The following IL1RL1 variants were observed in gnomAD, a reference collection of about 807,000 sequenced individuals.
The protein encoded by IL1RL1 is interleukin-1 receptor-like 1.
Under a neutral mutation model 50.9 loss-of-function variants are expected in IL1RL1, and 32 were observed. The observed-to-expected ratio is 0.63, with a 90% CI of 0.47 to 0.84. The LOEUF (loss-of-function observed/expected upper bound fraction) is 0.84. IL1RL1 is among the 40% of genes least tolerant of loss of function. The probability of loss-of-function intolerance (pLI) is 0.00; values close to 1 mark genes in which losing one functional copy is unlikely to be tolerated. For synonymous variants in IL1RL1, 275 were observed against 236.0 expected (o/e 1.17, Z -1.51); for missense variants, 773 against 662.9 (o/e 1.17, Z -1.82).
chr2:102,340,472 G>A lies in IL1RL1; in HGVS notation c.448-194G>A, dbSNP rs191359875. ...TACTAAAAATATAAAAATCAGCTGG[G>A]TGTGGTGGCACACACCTGTAATCCC... is the stretch of plus-strand genomic sequence containing the variant. On this transcript the variant is annotated intron_variant, in intron 4 of 10. Coordinates refer to ENST00000233954, the MANE Select transcript of IL1RL1 (RefSeq NM_016232.5). 3.1e-3 allele frequency among the ~76,000 whole-genome samples: 477 copies of A among 152,240 alleles called. 2 individuals are homozygous for A. The highest frequency in any genetic ancestry group is 5.2e-3 in the Non-Finnish European group (351 of 68,016).
intron 5 of IL1RL1, 58 bp downstream of exon 5, chr2:102,340,886 A>G (rs1677533602): frequency 4.3e-6 from 6 of 1,381,448 alleles, no homozygotes; most frequent in African/African-American, 1.5e-5. Flanking sequence ...AAGTGGGAAC[A>G]GCGGTGCCCT....
chr2:102,328,653 T>TA (rs1372231344), intron 1 of IL1RL1, among the ~76,000 whole-genome samples: 2 of 152,098 alleles, frequency 1.3e-5, no homozygotes, highest in African/African-American at 2.4e-5. Context: ...AGTCTCAGGA[T>TA]AAAAAATCAA....
chr2:102,328,933 A>G (rs574188475), intron 1 of IL1RL1, among the ~76,000 whole-genome samples: 1 of 152,306 alleles, frequency 6.6e-6, no homozygotes, highest in East Asian at 1.9e-4. Flanking sequence ...TTATAGATTC[A>G]ATGCCATCCC....
chr2:102,341,227 T>A, intron 5 of IL1RL1: 1 of 1,193,670 alleles, frequency 8.4e-7, no homozygotes, highest in Non-Finnish European at 1.1e-6. Flanking sequence ...AAGAGCTTAA[T>A]CTTTAGTAAT....
At chr2:102,351,219 A>G (rs111402769) in intron 10 of IL1RL1, among the ~76,000 whole-genome samples, 1,876 of 152,328 alleles carry the variant, frequency 0.012, 49 homozygotes, top group African/African-American at 0.043. Context: ...AGAATGAACC[A>G]GAATTCTAAG....
intron 10 of IL1RL1, among the ~76,000 whole-genome samples, chr2:102,349,871 T>C (rs895467984): frequency 6.6e-6 from 1 of 152,194 alleles, no homozygotes; most frequent in Non-Finnish European, 1.5e-5. Context: ...TTGTGAACTC[T>C]TCTCTAATTT....
chr2:102,322,883 AT>A (rs1676875244), intron 1 of IL1RL1, among the ~76,000 whole-genome samples: 1 of 152,138 alleles, frequency 6.6e-6, no homozygotes, highest in South Asian at 2.1e-4. Flanking sequence ...TCCTATAGGT[AT>A]GATATGTAAT....
intron 8 of IL1RL1, among the ~76,000 whole-genome samples, chr2:102,347,081 A>G (rs1455916402): frequency 2.0e-5 from 3 of 152,200 alleles, no homozygotes; most frequent in Admixed American, 6.5e-5. Flanking sequence ...TCTTTATCAA[A>G]GACGCTTTAG....
chr2:102,313,624 C>T (rs1289602480), intron 1 of IL1RL1, among the ~76,000 whole-genome samples: 1 of 152,140 alleles, frequency 6.6e-6, no homozygotes, highest in Non-Finnish European at 1.5e-5. Flanking sequence ...TTTCTCTGCC[C>T]ACTCCTCCAT....
chr2:102,343,842 A>C (rs1017922920), intron 8 of IL1RL1: 4 of 1,013,704 alleles, frequency 3.9e-6, no homozygotes, highest in Non-Finnish European at 4.7e-6. Context: ...CATAATGAAC[A>C]CTCATTTTGT....
intron 1 of IL1RL1, among the ~76,000 whole-genome samples, chr2:102,324,888 G>A (rs1420906833): frequency 2.0e-5 from 3 of 152,220 alleles, no homozygotes; most frequent in Non-Finnish European, 4.4e-5. Context: ...TGCAGCTCAA[G>A]GAGGCCTGCC....
chr2:102,311,973 T>TATATATA (rs1491348846), intron 1 of IL1RL1, among the ~76,000 whole-genome samples: 32 of 15,420 alleles, frequency 2.1e-3, no homozygotes, highest in African/African-American at 4.3e-3. Flanking sequence ...TATATAATAT[T>TATATATA]ATATATAATA....
chr2:102,320,367 G>GA (rs1404083124), intron 1 of IL1RL1, among the ~76,000 whole-genome samples: 2 of 152,032 alleles, frequency 1.3e-5, no homozygotes, highest in African/African-American at 4.8e-5. Context: ...GTTTTACAGT[G>GA]AAAATCAGAA....
At chr2:102,336,076 G>C (rs1233355709) in intron 1 of IL1RL1, among the ~76,000 whole-genome samples, 1 of 152,182 alleles carries the variant, frequency 6.6e-6, no homozygotes, top group Non-Finnish European at 1.5e-5. Flanking sequence ...TTCAAGAGTA[G>C]TCCCAGCCCC....
At chr2:102,335,588 A>G (rs539358901) in intron 1 of IL1RL1, among the ~76,000 whole-genome samples, 25 of 152,344 alleles carry the variant, frequency 1.6e-4, no homozygotes, top group African/African-American at 5.3e-4. Flanking sequence ...CAACTGAATT[A>G]TTTTATAGGA....
At chr2:102,338,752 T>C (rs953013908) in intron 2 of IL1RL1, 85 bp from the exon 3 acceptor site, 1 of 1,043,626 alleles carries the variant, frequency 9.6e-7, no homozygotes, top group African/African-American at 1.6e-5. Context: ...CTAAATTTAA[T>C]CCTAGAAGAA....
intron 3 of IL1RL1, chr2:102,339,332 C>T (rs1677454085): frequency 3.2e-6 from 1 of 311,926 alleles, no homozygotes; most frequent in African/African-American, 2.1e-5. Flanking sequence ...AGAGCAATTG[C>T]TTACTTTTGG....
At chr2:102,325,933 G>A (rs1676985451) in intron 1 of IL1RL1, among the ~76,000 whole-genome samples, 2 of 152,246 alleles carry the variant, frequency 1.3e-5, no homozygotes, top group Admixed American at 1.3e-4. Context: ...ACTCTGCAGG[G>A]TATTATCCAG....
At chr2:102,350,721 G>C (rs1677904199) in intron 10 of IL1RL1, among the ~76,000 whole-genome samples, 1 of 58,706 alleles carries the variant, frequency 1.7e-5, no homozygotes, top group South Asian at 3.1e-4. Flanking sequence ...GAGGTCAGAG[G>C]GTGGTCATGT....
Sources: allele counts gnomAD v4.1 joint callset (sites outside exome capture counted in the v4.1 genomes callset), GRCh38; gene constraint gnomAD v4.1.1; transcripts MANE v1.5; gene names NCBI Gene and HGNC (gene_info 2026-07-23, HGNC 2026-07-21).